Variants in SNTG1 observed in about 807,000 individuals in gnomAD.
The protein encoded by SNTG1 is gamma-1-syntrophin.
In SNTG1, 39 loss-of-function variants were observed where a neutral mutation model predicts 74.7. That is an observed-to-expected ratio of 0.52 (90% CI 0.40 to 0.68). SNTG1 has a LOEUF of 0.68. Ranked by LOEUF, SNTG1 falls within the 30% of genes least tolerant of loss-of-function variation. The pLI, the probability that SNTG1 is intolerant of heterozygous loss-of-function variation, is 0.00. For missense variants in SNTG1, 685 were observed against 609.5 expected, an observed-to-expected ratio of 1.12 and a Z score of -1.30; for synonymous variants, 254 against 217.1, an observed-to-expected ratio of 1.17 and a Z score of -1.49.
At chr8:49,941,718 G>A (rs540011779) in intron 1 of SNTG1, among the ~76,000 whole-genome samples, 1 of 151,932 alleles carries the variant, frequency 6.6e-6, no homozygotes, top group Non-Finnish European at 1.5e-5. Flanking sequence ...TCCACTAGCA[G>A]ATGTCCTGAA....
intron 13 of SNTG1, among the ~76,000 whole-genome samples, chr8:50,637,146 G>A (rs2095044340): frequency 6.6e-6 from 1 of 152,168 alleles, no homozygotes; most frequent in Admixed American, 6.5e-5. Context: ...CATGAGACAT[G>A]TAGTACCTTT....
chr8:50,585,922 A>C (rs1009830356), intron 12 of SNTG1, among the ~76,000 whole-genome samples: 1 of 152,184 alleles, frequency 6.6e-6, no homozygotes. Flanking sequence ...GGTTTCCTAG[A>C]GAATGGTTGT....
At chr8:49,973,981 C>T (rs553667390) in intron 1 of SNTG1, among the ~76,000 whole-genome samples, 11 of 152,026 alleles carry the variant, frequency 7.2e-5, no homozygotes, top group Non-Finnish European at 1.5e-4. Flanking sequence ...ACCATAAGCC[C>T]CAATTTTTTA....
At chr8:50,161,397 C>T (rs1457654201) in intron 1 of SNTG1, among the ~76,000 whole-genome samples, 1 of 152,008 alleles carries the variant, frequency 6.6e-6, no homozygotes, top group Non-Finnish European at 1.5e-5. Context: ...TTGTATAGGG[C>T]CAAAGTGAAG....
intron 9 of SNTG1, among the ~76,000 whole-genome samples, chr8:50,518,016 C>A (rs558253403): frequency 1.6e-3 from 238 of 152,238 alleles, no homozygotes; most frequent in African/African-American, 5.6e-3. Flanking sequence ...CTTCTTAGCA[C>A]CACATCACAC....
chr8:50,312,329 T>A (rs1250006823), intron 2 of SNTG1, among the ~76,000 whole-genome samples: 1 of 152,164 alleles, frequency 6.6e-6, no homozygotes. Context: ...GCTTAGTGAT[T>A]GTCTCAAAAT....
At chr8:50,549,932 A>G (rs1255591554) in intron 11 of SNTG1, among the ~76,000 whole-genome samples, 1 of 152,096 alleles carries the variant, frequency 6.6e-6, no homozygotes, top group Non-Finnish European at 1.5e-5. Context: ...TTTAAGGGGG[A>G]AATTATACAT....
intron 3 of SNTG1, among the ~76,000 whole-genome samples, chr8:50,401,587 CTGTG>C (rs150210446): frequency 1.6e-4 from 24 of 150,380 alleles, no homozygotes; most frequent in African/African-American, 5.9e-4. Flanking sequence ...TAGGTATAAA[CTGTG>C]TGTGTGTGTG....
At chr8:50,496,305 G>A (rs1289557287) in intron 8 of SNTG1, among the ~76,000 whole-genome samples, 1 of 152,188 alleles carries the variant, frequency 6.6e-6, no homozygotes, top group Non-Finnish European at 1.5e-5. Flanking sequence ...TATGAGGCCA[G>A]TTAACTATGA....
At chr8:50,504,457 G>T (rs1466900680) in intron 9 of SNTG1, among the ~76,000 whole-genome samples, 1 of 152,080 alleles carries the variant, frequency 6.6e-6, no homozygotes, top group African/African-American at 2.4e-5. Flanking sequence ...GAATTGAATT[G>T]CTGAGTGACT....
At position 50,174,950 on chromosome 8, in the gene SNTG1, G is replaced by C. The variant is rs1248373153; in HGVS notation, c.-28+2315G>C. Among the ~76,000 whole-genome samples the C allele has an allele frequency of 2.7e-5, 4 of 148,508 alleles. No homozygotes were observed. The Admixed American group carries it at 2.8e-4, about 10-fold the overall frequency. On this transcript the variant is annotated intron_variant, in intron 2 of 18. Coordinates refer to ENST00000642720, the MANE Select transcript of SNTG1 (RefSeq NM_018967.5). ...TTGTTCAGTTTCCACCTATGAGTGA[G>C]AACATGCGGTGTTTGGTTTTTTTGT...
chr8:50,047,016 T>G (rs576708251), intron 1 of SNTG1, among the ~76,000 whole-genome samples: 44 of 152,330 alleles, frequency 2.9e-4, no homozygotes, highest in Non-Finnish European at 5.7e-4. Flanking sequence ...AAATTCTTAC[T>G]CTCCTTTTCA....
At chr8:50,790,001 C>T (rs1009965495) in intron 18 of SNTG1, among the ~76,000 whole-genome samples, 4 of 151,954 alleles carry the variant, frequency 2.6e-5, no homozygotes, top group Admixed American at 2.6e-4. Flanking sequence ...AATTATAATT[C>T]TTGTGTCTGG....
rs527949403 is a variant in SNTG1 at position 50,264,068 on chromosome 8, G to A, written c.-28+91433G>A. 3.5e-4 allele frequency among the ~76,000 whole-genome samples: 54 copies of A among 152,216 alleles called. No homozygotes were observed. In the South Asian group the frequency reaches 7.9e-3, roughly 22 times the overall value. ...CACATATATGAAAATTAAACATTAA[G>A]CATTCTCGAATAAACAAGATATCAA... On this transcript the variant is annotated intron_variant, in intron 2 of 18. Transcript: ENST00000642720.
intron 17 of SNTG1, among the ~76,000 whole-genome samples, chr8:50,719,137 T>C (rs542130754): frequency 1.1e-4 from 17 of 152,254 alleles, no homozygotes; most frequent in African/African-American, 3.8e-4. Context: ...AAAGCAACAA[T>C]AACAAGTTAA....
chr8:50,308,361 C>T (rs1314066186), intron 2 of SNTG1, among the ~76,000 whole-genome samples: 1 of 151,994 alleles, frequency 6.6e-6, no homozygotes, highest in Non-Finnish European at 1.5e-5. Context: ...CTGCTTCCTC[C>T]ACTCAGACGC....
Position 50,729,083 on chromosome 8 carries a change from T to C in SNTG1, c.1284+20105T>C, listed in dbSNP as rs151327392. ...GTTCTATCTTAGGTCACCATAGGGATTGTCCCTTAGGTGGCATATTTGCTA... is the reference window on the plus strand; with the variant it reads ...GTTCTATCTTAGGTCACCATAGGGACTGTCCCTTAGGTGGCATATTTGCTA... On this transcript the variant is annotated intron_variant, in intron 17 of 18. Transcript: ENST00000642720. 2.0e-3 allele frequency among the ~76,000 whole-genome samples: 299 copies of C among 152,296 alleles called. 3 individuals are homozygous for C. Among genetic ancestry groups the C allele is most frequent in the African/African-American group, 7.0e-3 (292 of 41,566 alleles).
chr8:50,183,060 T>G (rs1218366922), intron 2 of SNTG1, among the ~76,000 whole-genome samples: 1 of 152,130 alleles, frequency 6.6e-6, no homozygotes, highest in Non-Finnish European at 1.5e-5. Context: ...CTGTAACGCC[T>G]AATCTGACCC....
intron 2 of SNTG1, among the ~76,000 whole-genome samples, chr8:50,258,753 A>G (rs1018662847): frequency 1.3e-5 from 2 of 152,156 alleles, no homozygotes; most frequent in African/African-American, 4.8e-5. Flanking sequence ...CAGGAAAAAA[A>G]GAAGAAAGAA....
Sources: gnomAD v4.1 joint callset for allele counts (sites outside exome capture counted in the v4.1 genomes callset) on GRCh38, gnomAD v4.1.1 for gene constraint, MANE v1.5 for transcripts, NCBI Gene and HGNC (gene_info 2026-07-23, HGNC 2026-07-21) for gene names.